SLC38A7: variants seen among roughly 807,000 people sequenced by gnomAD.
SLC38A7 encodes the protein solute carrier family 38 member 7.
SLC38A7 carries 29 observed loss-of-function variants against 50.1 expected under a neutral mutation model. That is an observed-to-expected ratio of 0.58 (90% CI 0.43 to 0.79). The LOEUF (loss-of-function observed/expected upper bound fraction) is 0.79. Ranked by LOEUF, SLC38A7 falls within the 30% of genes least tolerant of loss-of-function variation. The pLI is 0.00. For synonymous variants in SLC38A7, 244 were observed against 245.9 expected, an observed-to-expected ratio of 0.99 and a Z score of 0.07; for missense variants, 483 against 610.6, an observed-to-expected ratio of 0.79 and a Z score of 2.20.
intron 6 of SLC38A7, among the ~76,000 whole-genome samples, chr16:58,677,058 G>T (rs764342366): frequency 1.3e-5 from 2 of 152,008 alleles, no homozygotes; most frequent in African/African-American, 4.8e-5. Flanking sequence ...TCCACCCTCA[G>T]GTTCCTCCAC....
intron 6 of SLC38A7, among the ~76,000 whole-genome samples, chr16:58,676,800 T>C (rs543143439): frequency 9.2e-5 from 14 of 152,054 alleles, no homozygotes; most frequent in African/African-American, 1.2e-4. Flanking sequence ...TACAGGCGCC[T>C]GCCACCACAC....
At chr16:58,675,699 T>C (rs2044250222) in intron 8 of SLC38A7, among the ~76,000 whole-genome samples, 1 of 152,170 alleles carries the variant, frequency 6.6e-6, no homozygotes, top group Admixed American at 6.6e-5. Flanking sequence ...GCATCCCCCA[T>C]GCTGAGAACC....
At chr16:58,680,810 G>A (rs1023856263) in intron 2 of SLC38A7, among the ~76,000 whole-genome samples, 1 of 152,150 alleles carries the variant, frequency 6.6e-6, no homozygotes, top group African/African-American at 2.4e-5. Flanking sequence ...GCCAATTCTC[G>A]ACTCTTCTCT....
At position 58,676,006 on chromosome 16, in the gene SLC38A7, C is replaced by G. The variant is rs760411644; in HGVS notation, c.817G>C (p.Val273Leu). The G allele has an allele frequency of 5.0e-5, 81 of 1,613,824 alleles. No homozygotes were observed. Among genetic ancestry groups the G allele is most frequent in the Non-Finnish European group, 6.7e-5 (79 of 1,179,894 alleles). Residue 273 changes from valine (V) to leucine (L), a missense_variant, in exon 8 of 12, where the codon GTG becomes CTG. Val to Leu is a conservative substitution (Grantham distance 32, BLOSUM62 1). Transcript: ENST00000219320. ...GTCACCACTCCACCCCAGGTCTTCA[C>G]TTCAGGCTGCTGCATGCTGTTGAAG... The part of the protein sequence containing the change: ...PVFNSMQQPE[V>L]KTWGGVVTAA...
intron 2 of SLC38A7, 36 bp from the exon 3 acceptor site, chr16:58,680,277 A>G: frequency 1.2e-6 from 1 of 846,744 alleles, no homozygotes; most frequent in Non-Finnish European, 1.6e-6. Context: ...CTGTTATCCT[A>G]AGATGGGGGA....
At chr16:58,671,950 A>C in intron 9 of SLC38A7, 146 bp downstream of exon 9, 4 of 942,350 alleles carry the variant, frequency 4.2e-6, no homozygotes, top group Non-Finnish European at 6.1e-6. Context: ...GGCCTGGGAT[A>C]TGTAGGGACC....
Position 58,678,480 on chromosome 16 carries a change from C to G in SLC38A7, c.470-6G>C. ...TTTCGCCATCACAGCTATAACTGCA[C>G]AGGGAGGAAGGAGGGAATGTCAAGC... On this transcript the variant is annotated splice_polypyrimidine_tract_variant and splice_region_variant and intron_variant, in intron 4 of 11. Coordinates refer to ENST00000219320, the MANE Select transcript of SLC38A7 (RefSeq NM_018231.3). The surrounding 1 kb of genome is among the most constrained non-coding windows in gnomAD (Gnocchi z 4.0). 1.3e-6 allele frequency: 2 copies of G among 1,550,068 alleles called. No homozygotes were observed. The highest frequency in any genetic ancestry group is 8.7e-7 in the Non-Finnish European group (1 of 1,145,832).
At position 58,678,300 on chromosome 16, in the gene SLC38A7, G is replaced by C. The variant is rs574376298; in HGVS notation, c.611+33C>G. On this transcript the variant is annotated intron_variant, in intron 5 of 11. Transcript: ENST00000219320. This position sits in a 1 kb window ranked among gnomAD's most constrained non-coding sequence, Gnocchi z 4.0. Reference sequence around the variant, plus strand: ...GGGTCTACAGCTGCCCAGGATCATAGCTTCTGTCTGACCCAGGCTGGGGCC... The same window carrying C: ...GGGTCTACAGCTGCCCAGGATCATACCTTCTGTCTGACCCAGGCTGGGGCC... The C allele has an allele frequency of 6.6e-7, 1 of 1,513,118 alleles. No homozygotes were observed. The highest frequency in any genetic ancestry group is 1.4e-5 in the South Asian group (1 of 73,588). The allele number at this position is 1,513,118 out of a possible 1,614,324, so 93.7% of individuals were successfully genotyped here. A position where few individuals can be genotyped will look rare whatever the true frequency, so the allele number is the denominator to read the frequency against.
intron 11 of SLC38A7, among the ~76,000 whole-genome samples, chr16:58,668,758 G>A (rs577898356): frequency 5.4e-5 from 8 of 149,266 alleles, no homozygotes; most frequent in Non-Finnish European, 1.2e-4. Context: ...GAAATAAAGG[G>A]TGATTTTTTT....
intron 8 of SLC38A7, among the ~76,000 whole-genome samples, chr16:58,675,718 C>T (rs1191197450): frequency 2.0e-5 from 3 of 152,154 alleles, no homozygotes; most frequent in Non-Finnish European, 4.4e-5. Flanking sequence ...CCGTTCCTGG[C>T]ACTTCCTAGG....
Position 58,677,258 on chromosome 16 carries a change from T to C in SLC38A7, c.710+68A>G, listed in dbSNP as rs2044287572. 1.6e-5 allele frequency: 22 copies of C among 1,391,408 alleles called. No individual in the cohort carries two copies. In the East Asian group the frequency reaches 4.3e-4, roughly 27 times the overall value. 86.2% of individuals were successfully genotyped at this position (1,391,408 alleles called of 1,614,324 possible). A position where few individuals can be genotyped will look rare whatever the true frequency, so the allele number is the denominator to read the frequency against. On this transcript the variant is annotated intron_variant, in intron 6 of 11. Transcript: ENST00000219320. ...AGCACCTGTGTGGCCTTCTGGTTCC[T>C]GACCCAGCACCTGCTGGGGCCCAAG...
chr16:58,678,481 A>G lies in SLC38A7; in HGVS notation c.470-7T>C. 3 of 1,548,442 alleles carry G rather than the reference A, an allele frequency of 1.9e-6. No individual in the cohort carries two copies. The highest frequency in any genetic ancestry group is 2.6e-6 in the Non-Finnish European group (3 of 1,145,064). ...TTCGCCATCACAGCTATAACTGCAC[A>G]GGGAGGAAGGAGGGAATGTCAAGCC... On this transcript the variant is annotated splice_polypyrimidine_tract_variant and splice_region_variant and intron_variant, in intron 4 of 11. Transcript: ENST00000219320. The surrounding 1 kb of genome is among the most constrained non-coding windows in gnomAD (Gnocchi z 4.0).
intron 8 of SLC38A7, 54 bp downstream of exon 8, chr16:58,675,886 C>T: frequency 7.0e-7 from 1 of 1,421,016 alleles, no homozygotes; most frequent in Middle Eastern, 1.8e-4. Flanking sequence ...CCTAGGGACT[C>T]CTGTGGAAGT....
Position 58,678,832 on chromosome 16 carries a change from A to G in SLC38A7, c.333T>C (p.Asn111=). 6.2e-7 allele frequency: 1 copy of G among 1,613,924 alleles called. No homozygotes were observed. Among genetic ancestry groups the G allele is most frequent in the Non-Finnish European group, 8.5e-7 (1 of 1,179,822 alleles). Residue 111 remains asparagine (N), a synonymous_variant, in exon 4 of 12, where the codon AAT becomes AAC. Transcript: ENST00000219320. The surrounding 1 kb of genome is among the most constrained non-coding windows in gnomAD (Gnocchi z 4.0). ...ATACCACCTCCTGGTAGGTCCTCTCATTGCTGGCCTGGGAGCAGTAGGCCA... is the reference window on the plus strand; with the variant it reads ...ATACCACCTCCTGGTAGGTCCTCTCGTTGCTGGCCTGGGAGCAGTAGGCCA... ...VILAYCSQAS[N]ERTYQEVVWA...
intron 11 of SLC38A7, among the ~76,000 whole-genome samples, chr16:58,668,447 C>T (rs1306184271): frequency 6.6e-6 from 1 of 152,140 alleles, no homozygotes; most frequent in Non-Finnish European, 1.5e-5. Context: ...TGGTGCTGCG[C>T]ACCTGTAATC....
At chr16:58,681,802 C>A in intron 2 of SLC38A7, 1 of 152,390 alleles carries the variant, frequency 6.6e-6, no homozygotes, top group Non-Finnish European at 1.5e-5. Context: ...CCATGTTGCC[C>A]ACCACCACCA....
intron 5 of SLC38A7, among the ~76,000 whole-genome samples, chr16:58,677,980 T>G (rs566346312): frequency 6.6e-6 from 1 of 151,474 alleles, no homozygotes; most frequent in South Asian, 2.1e-4. Context: ...GGTAAGATGC[T>G]GGTAGGCTGA....
Position 58,673,006 on chromosome 16 carries a change from C to A in SLC38A7, c.884-763G>T, listed in dbSNP as rs1385082272. ...GCGGTGGCACGATCTCGGCTCAGTG[C>A]AGCCTCCACTTCCCAGGTTCAAGTG... On this transcript the variant is annotated intron_variant, in intron 8 of 11. Transcript: ENST00000219320. 2.6e-5 allele frequency among the ~76,000 whole-genome samples: 4 copies of A among 151,372 alleles called. No homozygotes were observed. The East Asian group carries it at 7.7e-4, about 29-fold the overall frequency.
Position 58,666,075 on chromosome 16 carries a change from GT to G in SLC38A7, c.*1309del. On this transcript the variant is annotated 3_prime_UTR_variant, in exon 12 of 12. Transcript: ENST00000219320. ...CCCAGCTGCCTTTTTGTTTGTTTCT[GT>G]TTTTTTGAGATGAAGTTTCACTCTT... The G allele has an allele frequency of 6.5e-6, 1 of 152,922 alleles. No homozygotes were observed. The highest frequency in any genetic ancestry group is 1.5e-5 in the Non-Finnish European group (1 of 68,566). 9.5% of individuals were successfully genotyped at this position (152,922 alleles called of 1,614,324 possible).
Sources: allele counts gnomAD v4.1 joint callset (sites outside exome capture counted in the v4.1 genomes callset), GRCh38; gene constraint gnomAD v4.1.1; non-coding constraint Gnocchi (gnomAD v3.1); transcripts MANE v1.5; gene names NCBI Gene and HGNC (gene_info 2026-07-23, HGNC 2026-07-21).